Variants in NSUN4 observed in about 807,000 individuals in gnomAD.
The protein encoded by NSUN4 is NOP2/Sun RNA methyltransferase 4.
In NSUN4, 31 loss-of-function variants were observed where a neutral mutation model predicts 43.8. The ratio of observed to expected loss-of-function variants is 0.71; its 90% CI spans 0.53 to 0.96. The LOEUF (loss-of-function observed/expected upper bound fraction) is 0.96, where lower values mean the gene tolerates loss of function less well. Ranked by LOEUF, NSUN4 falls within the 40% of genes least tolerant of loss-of-function variation. The pLI, the probability that NSUN4 is intolerant of heterozygous loss-of-function variation, is 0.00. For synonymous variants in NSUN4, 167 were observed against 184.1 expected, an observed-to-expected ratio of 0.91 and a Z score of 0.75; for missense variants, 439 against 475.6, an observed-to-expected ratio of 0.92 and a Z score of 0.72.
At chr1:46,367,130 T>G (rs1309901378), downstream of NSUN4, among the ~76,000 whole-genome samples, 2 of 152,156 alleles carry the variant, frequency 1.3e-5, no homozygotes, top group Admixed American at 1.3e-4. Flanking sequence ...TGAGGGTCTT[T>G]AGTGGAAGGC....
In NSUN4 at chr1:46,343,421, G is replaced by A. The variant is rs1342901787; in HGVS notation, c.94-1380G>A. ...TGGCCTCTCAAGGCCCTTGCAAAGA[G>A]CCTCTGCAGATCCCCTACAGCTGCC... On this transcript the variant is annotated intron_variant, in intron 1 of 5. Transcript: ENST00000474844. 6 of 399,506 alleles carry A rather than the reference G, an allele frequency of 1.5e-5. No homozygotes were observed. In the South Asian group the frequency reaches 6.4e-4, roughly 42 times the overall value. The allele number at this position is 399,506 out of a possible 1,614,324, so 24.7% of individuals were successfully genotyped here.
chr1:46,374,231 A>G, the NSUN4 span, among the ~76,000 whole-genome samples: 2 of 137,742 alleles, frequency 1.5e-5, no homozygotes, highest in Non-Finnish European at 1.5e-5. Flanking sequence ...GGATGTGGTG[A>G]GCCGAGATCG....
rs1663370167 is a variant in NSUN4 at position 46,356,413 on chromosome 1, C to T, written c.753+3385C>T. Among the ~76,000 whole-genome samples, 3 of 146,440 alleles carry T rather than the reference C, an allele frequency of 2.0e-5. No homozygotes were observed. In the Admixed American group the frequency reaches 2.1e-4, roughly 10 times the overall value. On this transcript the variant is annotated intron_variant, in intron 4 of 5. Transcript: ENST00000474844. ...TGCAAAGAAGAATGCTACTTCAAGG[C>T]TGGGCGCGGTGGCTCACGCCTGTAT...
intron 4 of NSUN4, 108 bp from the exon 5 acceptor site, chr1:46,360,596 C>T: frequency 1.8e-6 from 2 of 1,132,428 alleles, no homozygotes; most frequent in Non-Finnish European, 2.5e-6. Context: ...GAGGGATGGG[C>T]AGAGGGAATA....
At position 46,340,939 on chromosome 1, in the gene NSUN4, G is replaced by T. The variant is rs1263387554; in HGVS notation, c.93+20G>T. The stretch of plus-strand genomic sequence containing the variant: ...AAATGGGTAAGGTCCGGCTGGGGGC[G>T]CAGGAGGGAAAAGTGAGGGTGGAAA... On this transcript the variant is annotated intron_variant, in intron 1 of 5. Coordinates refer to ENST00000474844, the MANE Select transcript of NSUN4 (RefSeq NM_199044.4). 6.3e-7 allele frequency: 1 copy of T among 1,595,892 alleles called. No individual in the cohort carries two copies. Among genetic ancestry groups the T allele is most frequent in the Non-Finnish European group, 8.6e-7 (1 of 1,168,154 alleles).
intron 1 of NSUN4, 56 bp downstream of exon 1, chr1:46,340,975 C>CT (rs1432453989): frequency 1.4e-6 from 2 of 1,473,542 alleles, no homozygotes; most frequent in Admixed American, 2.0e-5. Context: ...CTTCTCCAGT[C>CT]TTTCCGTTTC....
rs6666601 is a variant in NSUN4, at chr1:46,354,194, C to A, written c.753+1166C>A. On this transcript the variant is annotated intron_variant, in intron 4 of 5. Transcript: ENST00000474844. Reference sequence around the variant, plus strand: ...TGAACACGGCTCACTGCAGCCTCAACCTCCTGGGCTCAAGGGGTCCTCCTG... The same window carrying A: ...TGAACACGGCTCACTGCAGCCTCAAACTCCTGGGCTCAAGGGGTCCTCCTG... Among the ~76,000 whole-genome samples, 70 of 151,756 alleles carry A rather than the reference C, an allele frequency of 4.6e-4. 2 individuals are homozygous for A. The highest frequency in any genetic ancestry group is 1.2e-3 in the African/African-American group (51 of 41,390).
intron 3 of NSUN4, among the ~76,000 whole-genome samples, chr1:46,349,220 A>T (rs1208339442): frequency 6.7e-6 from 1 of 150,358 alleles, no homozygotes; most frequent in African/African-American, 2.4e-5. Context: ...GCTCACTGCA[A>T]ACTCCGCCTC....
the NSUN4 span, among the ~76,000 whole-genome samples, chr1:46,372,973 G>A: frequency 5.5e-4 from 83 of 152,194 alleles, no homozygotes; most frequent in African/African-American, 1.8e-3. Context: ...CGCCTGCCTC[G>A]GCCTCCCAAA....
downstream of NSUN4, among the ~76,000 whole-genome samples, chr1:46,366,704 CAAAAAAAAAAAA>C (rs34437222): frequency 6.9e-4 from 41 of 59,440 alleles, no homozygotes; most frequent in Admixed American, 1.0e-2. Context: ...ACTAAAAATA[CAAAAAAAAAAAA>C]AAAAAAAAAA....
intron 3 of NSUN4, among the ~76,000 whole-genome samples, chr1:46,352,494 G>A (rs66828173): frequency 0.22 from 33,176 of 148,742 alleles, 4,184 homozygotes; most frequent in Non-Finnish European, 0.29. Flanking sequence ...AAGAAAAGGA[G>A]AGAAAGGAAA....
chr1:46,359,605 C>T (rs1663663246), intron 4 of NSUN4, among the ~76,000 whole-genome samples: 1 of 143,266 alleles, frequency 7.0e-6, no homozygotes, highest in African/African-American at 2.6e-5. Flanking sequence ...GGCTGGAGTG[C>T]AATGGCGCGA....
chr1:46,361,905 A>G lies in NSUN4; in HGVS notation c.*59A>G. On this transcript the variant is annotated 3_prime_UTR_variant, in exon 6 of 6. Transcript: ENST00000474844. ...GTATACTCTGTTGGATGCACCAGAA[A>G]CTGGAAACTGGGACCAGTGGCAGAG... The G allele has an allele frequency of 7.5e-6, 11 of 1,469,908 alleles. No individual in the cohort carries two copies. The highest frequency in any genetic ancestry group is 1.0e-5 in the Non-Finnish European group (11 of 1,082,640). 91.1% of individuals were successfully genotyped at this position (1,469,908 alleles called of 1,614,324 possible). A position where few individuals can be genotyped will look rare whatever the true frequency, so the allele number is the denominator to read the frequency against.
the NSUN4 span, among the ~76,000 whole-genome samples, chr1:46,379,756 G>A: frequency 3.3e-5 from 5 of 152,266 alleles, no homozygotes; most frequent in South Asian, 8.3e-4. Context: ...TGGTGTCTGG[G>A]GAAGGCTTGC....
At chr1:46,367,858 A>G (rs1439499097), downstream of NSUN4, among the ~76,000 whole-genome samples, 1 of 146,682 alleles carries the variant, frequency 6.8e-6, no homozygotes, top group African/African-American at 2.5e-5. Context: ...TCCGCCTCCC[A>G]GGCTCAAGTG....
chr1:46,374,033 T>A, the NSUN4 span, among the ~76,000 whole-genome samples: 1 of 152,040 alleles, frequency 6.6e-6, no homozygotes, highest in Non-Finnish European at 1.5e-5. Flanking sequence ...ACACCTGTAA[T>A]CCCAGCACTT....
chr1:46,359,552 T>A (rs28537463), intron 4 of NSUN4, among the ~76,000 whole-genome samples: 2 of 82,500 alleles, frequency 2.4e-5, no homozygotes, highest in African/African-American at 7.4e-5. Context: ...CCCGGCTAAA[T>A]TTTTTTTTTT....
chr1:46,375,162 G>A, the NSUN4 span, among the ~76,000 whole-genome samples: 2 of 151,992 alleles, frequency 1.3e-5, no homozygotes, highest in East Asian at 1.9e-4. Context: ...GGGGCCAGGC[G>A]TGGTGGCTCA....
At chr1:46,343,239 C>T (rs1662248953) in intron 1 of NSUN4, 8 of 399,538 alleles carry the variant, frequency 2.0e-5, no homozygotes, top group Admixed American at 8.8e-5. Context: ...CAGGGGCCCA[C>T]CCCAACCTCG....
Sources: gnomAD v4.1 joint callset for allele counts (sites outside exome capture counted in the v4.1 genomes callset) on GRCh38, gnomAD v4.1.1 for gene constraint, MANE v1.5 for transcripts, NCBI Gene and HGNC (gene_info 2026-07-23, HGNC 2026-07-21) for gene names.